The following RALGPS1 variants were observed in gnomAD, a reference collection of about 807,000 sequenced individuals.
The protein encoded by RALGPS1 is Ral GEF with PH domain and SH3 binding motif 1.
A neutral mutation model predicts 78.8 loss-of-function variants in RALGPS1; 19 were observed. That is an observed-to-expected ratio of 0.24 (90% CI 0.17 to 0.35). RALGPS1 has a LOEUF of 0.35. RALGPS1 is among the 10% of genes least tolerant of loss of function. The pLI is 1.00. For missense variants in RALGPS1, 454 were observed against 688.3 expected (o/e 0.66, Z 3.81); for synonymous variants, 228 against 256.3 (o/e 0.89, Z 1.06).
intron 11 of RALGPS1, among the ~76,000 whole-genome samples, chr9:127,185,662 A>G (rs1421342367): frequency 6.6e-6 from 1 of 152,194 alleles, no homozygotes; most frequent in Non-Finnish European, 1.5e-5. Context: ...TTGTAGTTAT[A>G]CTACTGGTGT....
intron 4 of RALGPS1, among the ~76,000 whole-genome samples, chr9:127,029,348 T>G (rs2046226653): frequency 6.6e-6 from 1 of 152,186 alleles, no homozygotes; most frequent in African/African-American, 2.4e-5. Context: ...CCAGGGTGTT[T>G]CAGAACTCCT....
chr9:127,015,779 G>T (rs1438697867), intron 4 of RALGPS1, among the ~76,000 whole-genome samples: 1 of 151,958 alleles, frequency 6.6e-6, no homozygotes, highest in East Asian at 1.9e-4. Flanking sequence ...CCACCCATTT[G>T]TTCCCCTCTT....
chr9:127,123,671 G>T (rs2056369015), intron 8 of RALGPS1, among the ~76,000 whole-genome samples: 1 of 152,226 alleles, frequency 6.6e-6, no homozygotes, highest in South Asian at 2.1e-4. Flanking sequence ...CATAGGTGGA[G>T]CTCTGTGAAT....
chr9:127,080,642 A>G (rs1219003342), intron 8 of RALGPS1, among the ~76,000 whole-genome samples: 3 of 152,240 alleles, frequency 2.0e-5, no homozygotes, highest in Non-Finnish European at 4.4e-5. Flanking sequence ...ACACCCACAG[A>G]TGTATGGGCA....
Position 126,977,656 on chromosome 9 carries a change from T to C in RALGPS1, c.166-39T>C, listed in dbSNP as rs372892381. The C allele has an allele frequency of 2.2e-6, 3 of 1,360,490 alleles. No homozygotes were observed. In the African/African-American group the frequency reaches 4.3e-5, roughly 20 times the overall value. 84.3% of individuals were successfully genotyped at this position (1,360,490 alleles called of 1,614,324 possible). A position where few individuals can be genotyped will look rare whatever the true frequency, so the allele number is the denominator to read the frequency against. The stretch of plus-strand genomic sequence containing the variant: ...AAAGTAACATGACAGTTATCTTTGA[T>C]GTACAGTATTTTCTAAAATTGATTC... On this transcript the variant is annotated intron_variant, in intron 3 of 18. Transcript: ENST00000259351.
At chr9:127,105,616 C>T (rs1194311251) in intron 8 of RALGPS1, among the ~76,000 whole-genome samples, 1 of 152,226 alleles carries the variant, frequency 6.6e-6, no homozygotes, top group African/African-American at 2.4e-5. Flanking sequence ...ACTTAGCACA[C>T]CAGGGTATCA....
chr9:126,975,479 G>C (rs1315975424), intron 3 of RALGPS1, among the ~76,000 whole-genome samples: 1 of 152,182 alleles, frequency 6.6e-6, no homozygotes, highest in Non-Finnish European at 1.5e-5. Context: ...CATCCTGCCG[G>C]TTCTCCCGGA....
At chr9:127,031,988 A>G (rs2046468030) in intron 4 of RALGPS1, among the ~76,000 whole-genome samples, 1 of 152,364 alleles carries the variant, frequency 6.6e-6, no homozygotes, top group Admixed American at 6.5e-5. Context: ...TCAAGACAGT[A>G]AAGAGAGAAT....
intron 11 of RALGPS1, among the ~76,000 whole-genome samples, chr9:127,178,699 C>G (rs2060031158): frequency 1.3e-5 from 2 of 152,206 alleles, no homozygotes; most frequent in Non-Finnish European, 2.9e-5. Context: ...ACAACCACCC[C>G]TCTTTGGTTG....
At chr9:127,093,202 C>T (rs557550652) in intron 8 of RALGPS1, among the ~76,000 whole-genome samples, 1 of 152,244 alleles carries the variant, frequency 6.6e-6, no homozygotes, top group South Asian at 2.1e-4. Flanking sequence ...GGCAACTTTC[C>T]CTGCTACACA....
intron 8 of RALGPS1, among the ~76,000 whole-genome samples, chr9:127,161,381 A>G (rs2059008770): frequency 6.6e-6 from 1 of 152,214 alleles, no homozygotes; most frequent in Non-Finnish European, 1.5e-5. Flanking sequence ...TTCACAGTCA[A>G]GGAAACTGAG....
At chr9:126,989,429 G>A (rs1237070933) in intron 4 of RALGPS1, among the ~76,000 whole-genome samples, 1 of 152,210 alleles carries the variant, frequency 6.6e-6, no homozygotes, top group African/African-American at 2.4e-5. Flanking sequence ...CAGCGTGGAG[G>A]GGAAGTAGAG....
chr9:127,141,616 CA>C (rs61291398), intron 8 of RALGPS1, among the ~76,000 whole-genome samples: 23,957 of 69,368 alleles, frequency 0.35, 1,256 homozygotes, highest in Non-Finnish European at 0.4. Flanking sequence ...TTTTTAATGG[CA>C]AAAAAAAAAA....
At chr9:126,925,112 A>G (rs958512814) in intron 1 of RALGPS1, among the ~76,000 whole-genome samples, 1 of 152,164 alleles carries the variant, frequency 6.6e-6, no homozygotes, top group African/African-American at 2.4e-5. Context: ...GGGAAGCAAG[A>G]GTGAAACTCC....
intron 8 of RALGPS1, among the ~76,000 whole-genome samples, chr9:127,162,799 C>G (rs1396308022): frequency 6.6e-6 from 1 of 152,192 alleles, no homozygotes; most frequent in Non-Finnish European, 1.5e-5. Flanking sequence ...CAGGGCAGCA[C>G]AGGGTGCACC....
intron 8 of RALGPS1, among the ~76,000 whole-genome samples, chr9:127,124,508 A>C (rs964215452): frequency 1.3e-5 from 2 of 151,994 alleles, no homozygotes; most frequent in Non-Finnish European, 2.9e-5. Flanking sequence ...GAGCCATTCT[A>C]CTGTTTCATC....
intron 8 of RALGPS1, among the ~76,000 whole-genome samples, chr9:127,141,616 C>CAAAAAAAAAA (rs61291398): frequency 4.4e-5 from 3 of 68,654 alleles, no homozygotes; most frequent in Admixed American, 1.9e-4. Flanking sequence ...TTTTTAATGG[C>CAAAAAAAAAA]AAAAAAAAAA....
intron 8 of RALGPS1, among the ~76,000 whole-genome samples, chr9:127,162,827 T>A (rs1031670384): frequency 3.3e-5 from 5 of 152,154 alleles, no homozygotes; most frequent in Admixed American, 3.3e-4. Flanking sequence ...TTGAGGGTGT[T>A]ACTTGAGAAA....
intron 18 of RALGPS1, chr9:127,217,309 C>A: frequency 1.9e-6 from 2 of 1,065,448 alleles, no homozygotes; most frequent in Non-Finnish European, 2.3e-6. Flanking sequence ...CCACTATGTG[C>A]TATATGTAAT....
Sources: gnomAD v4.1 joint callset for allele counts (sites outside exome capture counted in the v4.1 genomes callset) on GRCh38, gnomAD v4.1.1 for gene constraint, MANE v1.5 for transcripts, NCBI Gene and HGNC (gene_info 2026-07-23, HGNC 2026-07-21) for gene names.